PARD3B: variants seen among roughly 807,000 people sequenced by gnomAD.
PARD3B encodes par-3 family cell polarity regulator beta.
Under a neutral mutation model 130.2 loss-of-function variants are expected in PARD3B, and 103 were observed. The observed-to-expected ratio is 0.79, with a 90% CI of 0.67 to 0.93. The LOEUF (loss-of-function observed/expected upper bound fraction) is 0.93. Ranked by LOEUF, PARD3B falls within the 40% of genes least tolerant of loss-of-function variation. The pLI, the probability that PARD3B is intolerant of heterozygous loss-of-function variation, is 0.00. For synonymous variants in PARD3B, 583 were observed against 553.2 expected (o/e 1.05, Z -0.76); for missense variants, 1,609 against 1,499.2 (o/e 1.07, Z -1.21).
intron 18 of PARD3B, among the ~76,000 whole-genome samples, chr2:205,358,095 C>T (rs529070429): frequency 1.2e-3 from 186 of 152,312 alleles, no homozygotes; most frequent in African/African-American, 4.2e-3. Flanking sequence ...CTTAAAATTA[C>T]CCCATTCTTA....
intron 15 of PARD3B, among the ~76,000 whole-genome samples, chr2:205,198,790 A>G (rs1364104812): frequency 9.2e-5 from 14 of 152,012 alleles, no homozygotes; most frequent in South Asian, 6.2e-4. Context: ...GACTGAATAC[A>G]TAGGATAATT....
At chr2:205,107,665 G>A (rs6435270) in intron 5 of PARD3B, among the ~76,000 whole-genome samples, 4,775 of 152,230 alleles carry the variant, frequency 0.031, 242 homozygotes, top group African/African-American at 0.11. Context: ...ATGACTGAAT[G>A]GATAAAACAC....
At chr2:205,038,951 A>C (rs565628301) in intron 3 of PARD3B, among the ~76,000 whole-genome samples, 3 of 152,242 alleles carry the variant, frequency 2.0e-5, no homozygotes, top group African/African-American at 7.2e-5. Flanking sequence ...ATCTGAAAGC[A>C]TGTCCTAGCT....
chr2:204,808,786 A>G (rs546214483), intron 2 of PARD3B, among the ~76,000 whole-genome samples: 1 of 152,264 alleles, frequency 6.6e-6, no homozygotes, highest in Admixed American at 6.5e-5. Context: ...AGTGTTGCAA[A>G]GAACACATAC....
chr2:205,024,600 T>C (rs1198999471), intron 3 of PARD3B, among the ~76,000 whole-genome samples: 1 of 152,198 alleles, frequency 6.6e-6, no homozygotes, highest in Non-Finnish European at 1.5e-5. Flanking sequence ...GATCAACTTT[T>C]TTTGGTAGGA....
chr2:205,188,399 C>T (rs1026228858), intron 14 of PARD3B, among the ~76,000 whole-genome samples: 7 of 152,118 alleles, frequency 4.6e-5, no homozygotes, highest in Non-Finnish European at 7.3e-5. Flanking sequence ...AGTGGAGAAG[C>T]ATTGAAGCGC....
chr2:205,522,119 TTTG>T (rs1299598367), intron 21 of PARD3B, among the ~76,000 whole-genome samples: 14 of 151,798 alleles, frequency 9.2e-5, no homozygotes, highest in African/African-American at 3.1e-4. Context: ...ATAATTATTT[TTTG>T]TTTTCATTTA....
intron 3 of PARD3B, among the ~76,000 whole-genome samples, chr2:204,970,275 C>G (rs1052118165): frequency 1.3e-5 from 2 of 152,094 alleles, no homozygotes; most frequent in Non-Finnish European, 2.9e-5. Context: ...AGTTCTAGAC[C>G]CTGCAGTATT....
chr2:205,379,315 G>T (rs1354221989), intron 18 of PARD3B, among the ~76,000 whole-genome samples: 1 of 152,048 alleles, frequency 6.6e-6, no homozygotes, highest in East Asian at 1.9e-4. Context: ...AGGCAGACAG[G>T]TCCCTCCTCT....
At chr2:205,359,239 C>A (rs1029173818) in intron 18 of PARD3B, among the ~76,000 whole-genome samples, 9 of 152,106 alleles carry the variant, frequency 5.9e-5, no homozygotes. Context: ...AAATTGTCAG[C>A]AAGTTAATAA....
intron 4 of PARD3B, among the ~76,000 whole-genome samples, chr2:205,050,878 G>C (rs1461012923): frequency 6.6e-6 from 1 of 152,004 alleles, no homozygotes; most frequent in Non-Finnish European, 1.5e-5. Context: ...CATCTCTTGG[G>C]CAACAGTGCA....
chr2:204,825,660 C>G (rs1243745535), intron 2 of PARD3B, among the ~76,000 whole-genome samples: 1 of 152,176 alleles, frequency 6.6e-6, no homozygotes, highest in East Asian at 1.9e-4. Flanking sequence ...CCACATGAGT[C>G]AAGCACCAAG....
intron 18 of PARD3B, among the ~76,000 whole-genome samples, chr2:205,361,937 A>AT (rs2044404785): frequency 6.6e-6 from 1 of 151,810 alleles, no homozygotes; most frequent in Admixed American, 6.6e-5. Flanking sequence ...ATTAGTCCCT[A>AT]TTTTTTTGGC....
At chr2:204,916,721 C>T (rs184770228) in intron 2 of PARD3B, among the ~76,000 whole-genome samples, 1 of 151,854 alleles carries the variant, frequency 6.6e-6, no homozygotes, top group East Asian at 2.0e-4. Context: ...TCATGGAGTT[C>T]CCTTAATGAG....
In PARD3B at chr2:205,595,363, A is replaced by C. The variant is rs1299885670; in HGVS notation, c.3261-20093A>C. Among the ~76,000 whole-genome samples, 9 of 152,240 alleles carry C rather than the reference A, an allele frequency of 5.9e-5. No homozygotes were observed. In the East Asian group the frequency reaches 1.5e-3, roughly 26 times the overall value. On this transcript the variant is annotated intron_variant, in intron 22 of 22. Transcript: ENST00000406610. ...CTCTGAAGTTCAAAAACCAGCTGGC[A>C]TGGGGCAAACGGTAAATAACATTTT...
At chr2:205,217,513 T>A (rs1057487568) in intron 15 of PARD3B, among the ~76,000 whole-genome samples, 2 of 151,818 alleles carry the variant, frequency 1.3e-5, no homozygotes, top group Non-Finnish European at 2.9e-5. Context: ...CATAGTACCA[T>A]CTTCAAACAG....
intron 18 of PARD3B, among the ~76,000 whole-genome samples, chr2:205,369,729 TA>T (rs1213519693): frequency 1.3e-5 from 2 of 152,224 alleles, no homozygotes; most frequent in African/African-American, 4.8e-5. Flanking sequence ...ACAGTGTAAT[TA>T]CTTGTTTGTA....
chr2:205,059,945 C>A (rs1699968099), intron 4 of PARD3B, among the ~76,000 whole-genome samples: 1 of 151,996 alleles, frequency 6.6e-6, no homozygotes, highest in Non-Finnish European at 1.5e-5. Flanking sequence ...TTATTTCATC[C>A]CATGAACATC....
At chr2:205,464,024 A>T (rs1232562673) in intron 20 of PARD3B, among the ~76,000 whole-genome samples, 1 of 152,158 alleles carries the variant, frequency 6.6e-6, no homozygotes. Flanking sequence ...TGGGATTTTT[A>T]AGAAAGTACT....
Sources: allele counts gnomAD v4.1 joint callset (sites outside exome capture counted in the v4.1 genomes callset), GRCh38; gene constraint gnomAD v4.1.1; transcripts MANE v1.5; gene names NCBI Gene and HGNC (gene_info 2026-07-23, HGNC 2026-07-21).